The following RFPL1 variants were observed in gnomAD, a reference collection of about 807,000 sequenced individuals.
RFPL1 encodes ret finger protein-like 1.
In RFPL1, 6 loss-of-function variants were observed where a neutral mutation model predicts 9.6. That is an observed-to-expected ratio of 0.62 (90% CI 0.34 to 1.23). RFPL1 has a LOEUF of 1.23. RFPL1 is among the 50% of genes most tolerant of loss of function. The pLI is 0.03. For missense variants in RFPL1, 352 were observed against 398.4 expected, an observed-to-expected ratio of 0.88 and a Z score of 0.99; for synonymous variants, 145 against 149.4, an observed-to-expected ratio of 0.97 and a Z score of 0.22.
chr22:29,411,153 T>C, the RFPL1 span, among the ~76,000 whole-genome samples: 1 of 152,192 alleles, frequency 6.6e-6, no homozygotes, highest in Admixed American at 6.5e-5. Context: ...AGATCTAATA[T>C]TAACTGACTC....
At chr22:29,396,946 G>A in the RFPL1 span, among the ~76,000 whole-genome samples, 10 of 118,528 alleles carry the variant, frequency 8.4e-5, no homozygotes, top group South Asian at 5.7e-4. Flanking sequence ...TCGCTGTGTC[G>A]CCCAGGCTGG....
At chr22:29,403,002 G>A in the RFPL1 span, among the ~76,000 whole-genome samples, 1 of 143,028 alleles carries the variant, frequency 7.0e-6, no homozygotes, top group Non-Finnish European at 1.5e-5. Flanking sequence ...AGGAGGCTTT[G>A]TGGGTACTAG....
In RFPL1 at chr22:29,439,220, T is replaced by C. The variant is rs972190428; in HGVS notation, c.373+56T>C. The C allele has an allele frequency of 7.7e-6, 12 of 1,563,026 alleles. No individual in the cohort carries two copies. The African/African-American group carries it at 1.4e-4, about 18-fold the overall frequency. On this transcript the variant is annotated intron_variant, in intron 1 of 1. Transcript: ENST00000354373. Reference sequence around the variant, plus strand: ...TACGACCAGACCAGGAAAAATCATCTGTGCAACTGGCCCCTCATTCCATAT... The same window carrying C: ...TACGACCAGACCAGGAAAAATCATCCGTGCAACTGGCCCCTCATTCCATAT...
chr22:29,388,221 C>G, the RFPL1 span, among the ~76,000 whole-genome samples: 1 of 152,132 alleles, frequency 6.6e-6, no homozygotes, highest in African/African-American at 2.4e-5. Context: ...ATGGGGCGGC[C>G]GAGGAACAGG....
chr22:29,410,256 G>C, the RFPL1 span, among the ~76,000 whole-genome samples: 1 of 128,832 alleles, frequency 7.8e-6, no homozygotes, highest in East Asian at 2.2e-4. Context: ...ATATATATTT[G>C]TAGATATATA....
chr22:29,412,086 G>C, the RFPL1 span, among the ~76,000 whole-genome samples: 1 of 152,114 alleles, frequency 6.6e-6, no homozygotes, highest in East Asian at 1.9e-4. Flanking sequence ...CTCTTTGTGT[G>C]ATGATGGCAA....
At chr22:29,439,463 C>T (rs2062827157) in intron 1 of RFPL1, 1 of 355,648 alleles carries the variant, frequency 2.8e-6, no homozygotes, top group African/African-American at 2.1e-5. Context: ...GAAACCCTGT[C>T]TCTACTAAAA....
chr22:29,431,090 C>T, the RFPL1 span, among the ~76,000 whole-genome samples: 2 of 151,564 alleles, frequency 1.3e-5, no homozygotes, highest in African/African-American at 4.9e-5. Flanking sequence ...TAATAAAAAC[C>T]CCTTGTAAGT....
At chr22:29,390,799 G>A in the RFPL1 span, among the ~76,000 whole-genome samples, 6 of 150,668 alleles carry the variant, frequency 4.0e-5, no homozygotes, top group Non-Finnish European at 5.9e-5. Flanking sequence ...GGGTTTCACC[G>A]TTGTTAGCCA....
chr22:29,441,973 A>G (rs752871380), exon 2 of RFPL1: 1 of 1,614,106 alleles, frequency 6.2e-7, no homozygotes. Context: ...CCATGTCTAT[A>G]CATTCAGGAG....
the RFPL1 span, among the ~76,000 whole-genome samples, chr22:29,420,085 T>C: frequency 6.6e-6 from 1 of 152,318 alleles, no homozygotes; most frequent in African/African-American, 2.4e-5. Context: ...ATGGAGGCCT[T>C]TCCTGTTTTC....
chr22:29,427,863 C>A, the RFPL1 span, among the ~76,000 whole-genome samples: 1 of 152,150 alleles, frequency 6.6e-6, no homozygotes. Context: ...CAGGTACTTG[C>A]CATGAATCCT....
the RFPL1 span, among the ~76,000 whole-genome samples, chr22:29,394,268 C>T: frequency 6.6e-6 from 1 of 152,254 alleles, no homozygotes; most frequent in Non-Finnish European, 1.5e-5. Flanking sequence ...ATTCTCTTGC[C>T]TCAGCCTCCC....
At chr22:29,410,360 AG>A in the RFPL1 span, among the ~76,000 whole-genome samples, 1 of 95,618 alleles carries the variant, frequency 1.0e-5, no homozygotes, top group Non-Finnish European at 2.0e-5. Context: ...ATATATATGT[AG>A]ATATATATAT....
At chr22:29,433,992 G>GAC (rs2062796642), upstream of RFPL1, among the ~76,000 whole-genome samples, 1 of 147,608 alleles carries the variant, frequency 6.8e-6, no homozygotes, top group African/African-American at 2.6e-5. Context: ...CTGGATTTCT[G>GAC]ACACACACTC....
chr22:29,427,936 T>C, the RFPL1 span, among the ~76,000 whole-genome samples: 1 of 152,202 alleles, frequency 6.6e-6, no homozygotes, highest in Non-Finnish European at 1.5e-5. Context: ...CCCTTGTAAT[T>C]CACCCTTTCT....
At chr22:29,395,282 GTC>G in the RFPL1 span, among the ~76,000 whole-genome samples, 3 of 152,082 alleles carry the variant, frequency 2.0e-5, no homozygotes, top group African/African-American at 4.8e-5. Context: ...CTCTACTCCA[GTC>G]TCTGTTTGCT....
chr22:29,424,994 G>A, the RFPL1 span, among the ~76,000 whole-genome samples: 1 of 151,880 alleles, frequency 6.6e-6, no homozygotes, highest in South Asian at 2.1e-4. Context: ...CACGAGGTCA[G>A]GAGATCGAGA....
chr22:29,420,048 G>T, the RFPL1 span, among the ~76,000 whole-genome samples: 1 of 152,208 alleles, frequency 6.6e-6, no homozygotes, highest in Non-Finnish European at 1.5e-5. Flanking sequence ...GGCTTGCGGG[G>T]TGAGAGCAGG....
Sources: gnomAD v4.1 joint callset for allele counts (sites outside exome capture counted in the v4.1 genomes callset) on GRCh38, gnomAD v4.1.1 for gene constraint, MANE v1.5 for transcripts, NCBI Gene and HGNC (gene_info 2026-07-23, HGNC 2026-07-21) for gene names.